Variants in PARD3B observed in about 807,000 individuals in gnomAD.
PARD3B encodes the protein par-3 family cell polarity regulator beta, also known as partitioning defective 3 homolog B.
In PARD3B, 103 loss-of-function variants were observed where a neutral mutation model predicts 130.2. That is an observed-to-expected ratio of 0.79 (90% CI 0.67 to 0.93). The LOEUF is 0.93. Ranked by LOEUF, PARD3B falls within the 40% of genes least tolerant of loss-of-function variation. PARD3B has a pLI of 0.00. For missense variants in PARD3B, 1,609 were observed against 1,499.2 expected, an observed-to-expected ratio of 1.07 and a Z score of -1.21; for synonymous variants, 583 against 553.2, an observed-to-expected ratio of 1.05 and a Z score of -0.76.
intron 2 of PARD3B, among the ~76,000 whole-genome samples, chr2:204,937,624 A>G (rs1688567647): frequency 6.6e-6 from 1 of 152,078 alleles, no homozygotes; most frequent in Admixed American, 6.6e-5. Flanking sequence ...CTTCCTGACT[A>G]TGTATTACTG....
Position 205,616,275 on chromosome 2 carries a change from G to A in PARD3B, c.*462G>A, listed in dbSNP as rs1687694782. The A allele has an allele frequency of 6.3e-6, 1 of 159,698 alleles. No individual in the cohort carries two copies. Among genetic ancestry groups the A allele is most frequent in the South Asian group, 2.0e-4 (1 of 5,086 alleles). 9.9% of individuals were successfully genotyped at this position (159,698 alleles called of 1,614,324 possible). ...GAGCCTCAGCCCCCTTCTTAGAGCT[G>A]TTAAGTCTAAGGTGTGGCAGAGCAG... On this transcript the variant is annotated 3_prime_UTR_variant, in exon 23 of 23. Coordinates refer to ENST00000406610, the MANE Select transcript of PARD3B (RefSeq NM_001302769.2).
At chr2:205,151,565 T>C (rs563805214) in intron 10 of PARD3B, among the ~76,000 whole-genome samples, 2 of 152,350 alleles carry the variant, frequency 1.3e-5, no homozygotes, top group African/African-American at 4.8e-5. Context: ...GTCTGTTTTA[T>C]CAGAGACTAG....
Position 204,902,083 on chromosome 2 carries a change from T to G in PARD3B, c.223-63069T>G, listed in dbSNP as rs1175740453. ...TGGGGTGGTGGTGCAAGTACTCCCT[T>G]GCTGCCTGGCTGCATGGACCGTTTC... is the stretch of plus-strand genomic sequence containing the variant. On this transcript the variant is annotated intron_variant, in intron 2 of 22. Coordinates refer to ENST00000406610, the MANE Select transcript of PARD3B (RefSeq NM_001302769.2). Among the ~76,000 whole-genome samples the G allele has an allele frequency of 2.0e-5, 3 of 152,208 alleles. No individual in the cohort carries two copies. In the East Asian group the frequency reaches 5.8e-4, roughly 29 times the overall value.
At chr2:204,687,378 A>G (rs2037139162) in intron 2 of PARD3B, among the ~76,000 whole-genome samples, 1 of 152,166 alleles carries the variant, frequency 6.6e-6, no homozygotes, top group African/African-American at 2.4e-5. Context: ...TTTATAGTCT[A>G]TCTAGGGAAA....
At position 205,223,143 on chromosome 2, in the gene PARD3B, GAT is replaced by G. The variant is rs1380734627; in HGVS notation, c.2141-22633_2141-22632del. On this transcript the variant is annotated intron_variant, in intron 15 of 22. Transcript: ENST00000406610. ...GAGATCAGCGGCATTTTCAACAAGA[GAT>G]AAACACAAATGAGAAAAAAACAGGA... Among the ~76,000 whole-genome samples, 11 of 152,092 alleles carry G rather than the reference GAT, an allele frequency of 7.2e-5. No individual in the cohort carries two copies. The East Asian group carries it at 2.1e-3, about 29-fold the overall frequency.
chr2:205,216,995 T>C (rs1433554108), intron 15 of PARD3B, among the ~76,000 whole-genome samples: 1 of 150,720 alleles, frequency 6.6e-6, no homozygotes, highest in Non-Finnish European at 1.5e-5. Context: ...GGCTTCTATG[T>C]CTTCAGCAAT....
intron 22 of PARD3B, among the ~76,000 whole-genome samples, chr2:205,559,366 G>A (rs943197356): frequency 1.4e-4 from 22 of 151,806 alleles, no homozygotes; most frequent in Non-Finnish European, 2.1e-4. Flanking sequence ...GGCTGGTCTC[G>A]AACTCCTGAG....
intron 1 of PARD3B, among the ~76,000 whole-genome samples, chr2:204,552,469 C>G (rs995486738): frequency 5.9e-5 from 9 of 152,148 alleles, no homozygotes; most frequent in African/African-American, 1.9e-4. Context: ...AGATGCTTCT[C>G]GACTGATAGA....
intron 1 of PARD3B, among the ~76,000 whole-genome samples, chr2:204,566,282 G>C (rs2031665211): frequency 6.6e-6 from 1 of 152,214 alleles, no homozygotes; most frequent in South Asian, 2.1e-4. Flanking sequence ...CTCTGCAGTT[G>C]GGATGTGAAC....
intron 1 of PARD3B, among the ~76,000 whole-genome samples, chr2:204,616,110 T>C (rs2034103081): frequency 6.6e-6 from 1 of 152,118 alleles, no homozygotes; most frequent in Non-Finnish European, 1.5e-5. Flanking sequence ...ATTAAAGAAA[T>C]AATTGATTAC....
chr2:204,583,046 C>G (rs1047428440), intron 1 of PARD3B, among the ~76,000 whole-genome samples: 1 of 150,564 alleles, frequency 6.6e-6, no homozygotes, highest in Non-Finnish European at 1.5e-5. Flanking sequence ...ACTAGTTCAA[C>G]CATTGTGGAA....
intron 21 of PARD3B, among the ~76,000 whole-genome samples, chr2:205,541,908 C>G (rs1041075156): frequency 2.6e-5 from 4 of 151,702 alleles, no homozygotes; most frequent in African/African-American, 9.7e-5. Flanking sequence ...CTTTGGGAGG[C>G]CGAGGTGGGT....
At chr2:205,170,532 C>T (rs2035101223) in intron 11 of PARD3B, among the ~76,000 whole-genome samples, 1 of 152,116 alleles carries the variant, frequency 6.6e-6, no homozygotes, top group African/African-American at 2.4e-5. Flanking sequence ...ATGGGCGGCC[C>T]CTGCAATCCC....
chr2:204,806,554 A>G (rs2042775577), intron 2 of PARD3B, among the ~76,000 whole-genome samples: 1 of 152,174 alleles, frequency 6.6e-6, no homozygotes, highest in East Asian at 1.9e-4. Flanking sequence ...AAAAGAAAAC[A>G]TTGAGGAAGC....
chr2:205,355,880 A>G (rs911404475), intron 18 of PARD3B, among the ~76,000 whole-genome samples: 1 of 152,180 alleles, frequency 6.6e-6, no homozygotes, highest in Non-Finnish European at 1.5e-5. Flanking sequence ...AGAGCCCCTT[A>G]TAAAAACCAT....
At chr2:204,718,292 T>C (rs1304607454) in intron 2 of PARD3B, among the ~76,000 whole-genome samples, 1 of 152,142 alleles carries the variant, frequency 6.6e-6, no homozygotes, top group Non-Finnish European at 1.5e-5. Context: ...CACATGGCTA[T>C]AAATAATACT....
intron 3 of PARD3B, among the ~76,000 whole-genome samples, chr2:204,998,887 T>A (rs1412335306): frequency 6.6e-6 from 1 of 152,140 alleles, no homozygotes; most frequent in Non-Finnish European, 1.5e-5. Context: ...CTGATTTTTG[T>A]ATTTTCAGTA....
At chr2:204,962,369 C>T (rs948691059) in intron 2 of PARD3B, among the ~76,000 whole-genome samples, 1 of 152,178 alleles carries the variant, frequency 6.6e-6, no homozygotes, top group African/African-American at 2.4e-5. Context: ...AGTGGAAGTT[C>T]TTCTGCATGC....
At chr2:204,849,159 A>T (rs1262493694) in intron 2 of PARD3B, among the ~76,000 whole-genome samples, 1 of 152,138 alleles carries the variant, frequency 6.6e-6, no homozygotes, top group Non-Finnish European at 1.5e-5. Context: ...ATCCACTGAG[A>T]TTTAAGAGTC....
Sources: allele counts gnomAD v4.1 joint callset (sites outside exome capture counted in the v4.1 genomes callset), GRCh38; gene constraint gnomAD v4.1.1; transcripts MANE v1.5; gene names NCBI Gene and HGNC (gene_info 2026-07-23, HGNC 2026-07-21).